TENM3: variants seen among roughly 807,000 people sequenced by gnomAD.
The protein encoded by TENM3 is teneurin transmembrane protein 3.
In TENM3, 63 loss-of-function variants were observed where a neutral mutation model predicts 255.1. That is an observed-to-expected ratio of 0.25 (90% CI 0.20 to 0.30). The LOEUF (loss-of-function observed/expected upper bound fraction) is 0.30, where lower values mean the gene tolerates loss of function less well. Ranked by LOEUF, TENM3 falls within the 10% of genes least tolerant of loss-of-function variation. TENM3 has a pLI of 1.00. For synonymous variants in TENM3, 1,306 were observed against 1,322.3 expected (o/e 0.99, Z 0.27); for missense variants, 2,929 against 3,461.1 (o/e 0.85, Z 3.86).
chr4:182,363,276 G>T (rs1450774563), intron 3 of TENM3, among the ~76,000 whole-genome samples: 1 of 151,836 alleles, frequency 6.6e-6, no homozygotes, highest in African/African-American at 2.4e-5. Context: ...GTGAGTATGT[G>T]ATATTTATAT....
intron 1 of TENM3, among the ~76,000 whole-genome samples, chr4:182,290,103 C>A (rs1761017032): frequency 6.6e-6 from 1 of 152,184 alleles, no homozygotes; most frequent in South Asian, 2.1e-4. Flanking sequence ...GCTGACCAGC[C>A]ACTTGCTGTC....
intron 24 of TENM3, among the ~76,000 whole-genome samples, chr4:182,784,881 C>T (rs1765503092): frequency 6.6e-6 from 1 of 152,158 alleles, no homozygotes; most frequent in African/African-American, 2.4e-5. Flanking sequence ...CTTGCACTTC[C>T]CAAGTGAGGC....
chr4:181,771,283 C>G, the TENM3 span, among the ~76,000 whole-genome samples: 3 of 152,180 alleles, frequency 2.0e-5, no homozygotes. Flanking sequence ...GTTGAGTCAT[C>G]TTGTACAAAT....
chr4:181,853,013 G>C, the TENM3 span, among the ~76,000 whole-genome samples: 1 of 152,210 alleles, frequency 6.6e-6, no homozygotes, highest in Non-Finnish European at 1.5e-5. Context: ...AATACCTTAA[G>C]AGGTGAGATC....
At chr4:182,268,669 C>G (rs1396968420) in intron 1 of TENM3, among the ~76,000 whole-genome samples, 2 of 152,106 alleles carry the variant, frequency 1.3e-5, no homozygotes, top group Non-Finnish European at 1.5e-5. Flanking sequence ...CAAAACCCAC[C>G]AAAACCAAGA....
intron 3 of TENM3, among the ~76,000 whole-genome samples, chr4:182,448,705 C>A (rs959095917): frequency 3.3e-5 from 5 of 151,964 alleles, no homozygotes; most frequent in African/African-American, 1.2e-4. Flanking sequence ...CCCGCGGGGT[C>A]TTCGGAGGGT....
At chr4:182,069,948 C>G in the TENM3 span, among the ~76,000 whole-genome samples, 1 of 152,132 alleles carries the variant, frequency 6.6e-6, no homozygotes, top group Non-Finnish European at 1.5e-5. Context: ...TGACATCAAA[C>G]TGGGATGTCA....
chr4:182,501,803 G>A (rs1489515992), intron 3 of TENM3, among the ~76,000 whole-genome samples: 2 of 152,186 alleles, frequency 1.3e-5, no homozygotes, highest in East Asian at 3.9e-4. Flanking sequence ...GTCATTAAGT[G>A]TATATTGTTA....
intron 24 of TENM3, among the ~76,000 whole-genome samples, chr4:182,780,394 T>C (rs1765073371): frequency 8.9e-6 from 1 of 112,790 alleles, no homozygotes; most frequent in Admixed American, 1.0e-4. Context: ...CTGAGGGCTC[T>C]GTTCTGTTCC....
At chr4:182,363,623 G>C (rs1766192664) in intron 3 of TENM3, among the ~76,000 whole-genome samples, 1 of 151,788 alleles carries the variant, frequency 6.6e-6, no homozygotes, top group Non-Finnish European at 1.5e-5. Context: ...TTATTTTAAA[G>C]AATATGTATA....
At chr4:181,888,507 T>TATATAC in the TENM3 span, among the ~76,000 whole-genome samples, 4 of 30,090 alleles carry the variant, frequency 1.3e-4, no homozygotes, top group Admixed American at 4.6e-4. Context: ...TATATATATA[T>TATATAC]ATATATATGT....
chr4:181,951,285 C>T, the TENM3 span, among the ~76,000 whole-genome samples: 1 of 152,274 alleles, frequency 6.6e-6, no homozygotes, highest in South Asian at 2.1e-4. Context: ...TGGGTGACAG[C>T]CTCTATTTTA....
At chr4:182,750,753 GAATT>G (rs985407969) in intron 19 of TENM3, among the ~76,000 whole-genome samples, 3 of 152,218 alleles carry the variant, frequency 2.0e-5, no homozygotes, top group South Asian at 2.1e-4. Flanking sequence ...GAGGGAATGA[GAATT>G]AATTAATATA....
chr4:181,760,786 C>T, the TENM3 span, among the ~76,000 whole-genome samples: 1 of 152,058 alleles, frequency 6.6e-6, no homozygotes, highest in Non-Finnish European at 1.5e-5. Context: ...ATTCTCTCCT[C>T]TTCTTCTCCC....
the TENM3 span, among the ~76,000 whole-genome samples, chr4:181,472,052 AAGG>A: frequency 1.3e-5 from 2 of 152,100 alleles, no homozygotes; most frequent in East Asian, 3.9e-4. Flanking sequence ...TCCTGGGAGA[AAGG>A]AGAGAGAAGG....
At chr4:182,626,440 G>A (rs1750824032) in intron 4 of TENM3, among the ~76,000 whole-genome samples, 1 of 152,196 alleles carries the variant, frequency 6.6e-6, no homozygotes. Flanking sequence ...CCTTGTGCTA[G>A]ATACTAATGT....
At chr4:181,562,693 T>TTTTTTA in the TENM3 span, among the ~76,000 whole-genome samples, 3 of 151,816 alleles carry the variant, frequency 2.0e-5, no homozygotes, top group Non-Finnish European at 1.5e-5. Context: ...TTTTTTTTTT[T>TTTTTTA]GAGATGGAGT....
intron 4 of TENM3, among the ~76,000 whole-genome samples, chr4:182,601,639 G>A (rs62339117): frequency 0.12 from 17,710 of 152,152 alleles, 1,899 homozygotes; most frequent in East Asian, 0.54. Flanking sequence ...TCAGATGACA[G>A]TTTGTTAAGG....
At chr4:182,428,698 A>C (rs1398774059) in intron 3 of TENM3, among the ~76,000 whole-genome samples, 1 of 152,174 alleles carries the variant, frequency 6.6e-6, no homozygotes, top group Non-Finnish European at 1.5e-5. Flanking sequence ...AAATGTATAT[A>C]TTAGAATAAT....
Sources: gnomAD v4.1 joint callset for allele counts (sites outside exome capture counted in the v4.1 genomes callset) on GRCh38, gnomAD v4.1.1 for gene constraint, MANE v1.5 for transcripts, NCBI Gene and HGNC (gene_info 2026-07-23, HGNC 2026-07-21) for gene names.